EYS: variants seen among roughly 807,000 people sequenced by gnomAD.
EYS encodes EGF-like photoreceptor maintenance factor, also known as protein eyes shut homolog.
In EYS, 250 loss-of-function variants were observed where a neutral mutation model predicts 282.1. That is an observed-to-expected ratio of 0.89 (90% CI 0.80 to 0.98). The LOEUF is 0.98. Among genes scored for constraint, EYS ranks in the 50% least tolerant of loss-of-function variants. The pLI is 0.00. For missense variants in EYS, 4,016 were observed against 3,709.0 expected (o/e 1.08, Z -2.15); for synonymous variants, 1,355 against 1,282.9 (o/e 1.06, Z -1.20).
intron 35 of EYS, among the ~76,000 whole-genome samples, chr6:63,936,752 CA>C (rs1384236637): frequency 6.6e-6 from 1 of 152,212 alleles, no homozygotes; most frequent in Non-Finnish European, 1.5e-5. Flanking sequence ...ATGCTACTAA[CA>C]ATCTACAAAA....
intron 8 of EYS, among the ~76,000 whole-genome samples, chr6:65,379,645 G>C (rs969161956): frequency 6.6e-6 from 1 of 151,796 alleles, no homozygotes; most frequent in Non-Finnish European, 1.5e-5. Flanking sequence ...AGAAATAAAG[G>C]GTATTCAAAT....
chr6:64,518,782 C>CCCG (rs1289781694), intron 26 of EYS, among the ~76,000 whole-genome samples: 3 of 149,462 alleles, frequency 2.0e-5, no homozygotes, highest in Non-Finnish European at 4.5e-5. Context: ...TATAAGGGGC[C>CCCG]CCCCCCTTCT....
rs1767242048 is a variant in EYS, at chr6:65,248,644, GA to G, written c.2023+47218del. On this transcript the variant is annotated intron_variant, in intron 12 of 42. Transcript: ENST00000503581. ...AATCATCTAGAATAAAAGAAAAAAT[GA>G]AAAAATTAGAAATCACATTTAACTG... 2.0e-5 allele frequency among the ~76,000 whole-genome samples: 3 copies of G among 151,748 alleles called. No individual in the cohort carries two copies. In the South Asian group the frequency reaches 6.2e-4, roughly 31 times the overall value.
intron 35 of EYS, among the ~76,000 whole-genome samples, chr6:63,877,806 G>T (rs978964713): frequency 6.6e-6 from 1 of 152,096 alleles, no homozygotes; most frequent in Non-Finnish European, 1.5e-5. Context: ...TTGTGCCATG[G>T]TTTTCAGCTC....
chr6:64,741,002 C>T (rs1332439683), intron 22 of EYS, among the ~76,000 whole-genome samples: 2 of 152,102 alleles, frequency 1.3e-5, no homozygotes, highest in African/African-American at 4.8e-5. Flanking sequence ...CGTGAGCCAC[C>T]GCGCCTGGCC....
At chr6:64,393,802 A>T (rs1420703227) in intron 28 of EYS, among the ~76,000 whole-genome samples, 1 of 152,066 alleles carries the variant, frequency 6.6e-6, no homozygotes, top group Non-Finnish European at 1.5e-5. Context: ...CAGGAGAAGG[A>T]AATAAATGGT....
At chr6:65,590,061 T>C (rs866062049) in intron 2 of EYS, among the ~76,000 whole-genome samples, 14 of 152,194 alleles carry the variant, frequency 9.2e-5, no homozygotes, top group African/African-American at 3.1e-4. Context: ...TACAGCACAA[T>C]ACTAGAGACC....
chr6:64,494,190 C>T (rs1012353599), intron 26 of EYS, among the ~76,000 whole-genome samples: 9 of 151,682 alleles, frequency 5.9e-5, no homozygotes, highest in African/African-American at 2.2e-4. Flanking sequence ...GGGAAATTGC[C>T]TCTCATCTGG....
chr6:64,448,604 C>G (rs1261570249), intron 26 of EYS, among the ~76,000 whole-genome samples: 1 of 152,186 alleles, frequency 6.6e-6, no homozygotes, highest in Admixed American at 6.5e-5. Flanking sequence ...GGAGGCACCC[C>G]CCAGTAGGGG....
intron 2 of EYS, among the ~76,000 whole-genome samples, chr6:65,534,078 T>G (rs1166781466): frequency 1.3e-5 from 2 of 152,134 alleles, no homozygotes; most frequent in African/African-American, 4.8e-5. Context: ...TATATTGTTT[T>G]AAAGTATAAG....
At chr6:64,119,841 A>G (rs928397933) in intron 31 of EYS, among the ~76,000 whole-genome samples, 1 of 152,210 alleles carries the variant, frequency 6.6e-6, no homozygotes, top group African/African-American at 2.4e-5. Context: ...ATTAAAGTGC[A>G]CCTTATTTTC....
At position 64,591,309 on chromosome 6, in the gene EYS, C is replaced by G; in HGVS notation, c.4558G>C (p.Ala1520Pro). 6.4e-7 allele frequency: 1 copy of G among 1,551,326 alleles called. No homozygotes were observed. The highest frequency in any genetic ancestry group is 8.7e-7 in the Non-Finnish European group (1 of 1,146,774). ...SSALHRFSTK[A>P]FNPSEYQAIT... ...GCCTGATATTCACTGGGATTGAAGGCTTTTGTACTGAACCGGTGCAGAGCT... is the reference window on the plus strand; with the variant it reads ...GCCTGATATTCACTGGGATTGAAGGGTTTTGTACTGAACCGGTGCAGAGCT... The change falls in exon 26 of 43, where the codon GCC (alanine) becomes CCC (proline). Residue 1520 changes from alanine to proline, a missense_variant. Transcript: ENST00000503581.
At chr6:64,261,828 C>A (rs1202962765) in intron 30 of EYS, among the ~76,000 whole-genome samples, 1 of 150,642 alleles carries the variant, frequency 6.6e-6, no homozygotes, top group Admixed American at 6.6e-5. Context: ...TGCATCTTGG[C>A]TAACCACAAC....
chr6:64,378,659 C>G (rs887189236), intron 29 of EYS, among the ~76,000 whole-genome samples: 4 of 152,154 alleles, frequency 2.6e-5, no homozygotes, highest in Non-Finnish European at 5.9e-5. Context: ...GGTAGAGTCT[C>G]TATTTTGCAG....
At chr6:64,810,216 A>G (rs888072470) in intron 22 of EYS, among the ~76,000 whole-genome samples, 1 of 152,088 alleles carries the variant, frequency 6.6e-6, no homozygotes, top group Non-Finnish European at 1.5e-5. Flanking sequence ...AAACTCCAGA[A>G]ATAAAAACAG....
intron 26 of EYS, among the ~76,000 whole-genome samples, chr6:64,501,956 A>C (rs1043694852): frequency 1.3e-5 from 2 of 152,194 alleles, no homozygotes; most frequent in African/African-American, 4.8e-5. Flanking sequence ...GAACTTGGGC[A>C]AATTACTTAA....
At chr6:64,605,744 C>G (rs764479601) in intron 24 of EYS, among the ~76,000 whole-genome samples, 1 of 151,808 alleles carries the variant, frequency 6.6e-6, no homozygotes, top group East Asian at 1.9e-4. Context: ...TTTGATCTTT[C>G]CTACTATTTT....
intron 13 of EYS, among the ~76,000 whole-genome samples, chr6:65,000,978 G>C (rs544522773): frequency 3.3e-5 from 5 of 152,186 alleles, no homozygotes; most frequent in African/African-American, 4.8e-5. Flanking sequence ...CTCAGTTGCC[G>C]CAGCTGCTGA....
chr6:63,892,063 C>T (rs1773422475), intron 35 of EYS, among the ~76,000 whole-genome samples: 1 of 152,160 alleles, frequency 6.6e-6, no homozygotes, highest in African/African-American at 2.4e-5. Flanking sequence ...CAAACCACTG[C>T]TCAAGGAAAT....
Sources: allele counts gnomAD v4.1 joint callset (sites outside exome capture counted in the v4.1 genomes callset), GRCh38; gene constraint gnomAD v4.1.1; transcripts MANE v1.5; gene names NCBI Gene and HGNC (gene_info 2026-07-23, HGNC 2026-07-21).